Variants in NUBPL observed in about 807,000 individuals in gnomAD.
The protein encoded by NUBPL is NUBP iron-sulfur cluster assembly factor, mitochondrial.
NUBPL carries 31 observed loss-of-function variants against 45.7 expected under a neutral mutation model. The observed-to-expected ratio is 0.68, with a 90% CI of 0.51 to 0.92. The LOEUF (loss-of-function observed/expected upper bound fraction) is 0.92, where lower values mean the gene tolerates loss of function less well. Among genes scored for constraint, NUBPL ranks in the 40% least tolerant of loss-of-function variants. The probability of loss-of-function intolerance (pLI) is 0.00; values close to 1 mark genes in which losing one functional copy is unlikely to be tolerated. For missense variants in NUBPL, 401 were observed against 398.7 expected, an observed-to-expected ratio of 1.01 and a Z score of -0.05; for synonymous variants, 144 against 140.9, an observed-to-expected ratio of 1.02 and a Z score of -0.15.
chr14:31,570,980 A>G (rs1329162952), intron 3 of NUBPL, among the ~76,000 whole-genome samples: 1 of 152,174 alleles, frequency 6.6e-6, no homozygotes, highest in East Asian at 1.9e-4. Flanking sequence ...GCTTTTGCTG[A>G]TATTCAATAT....
intron 7 of NUBPL, among the ~76,000 whole-genome samples, chr14:31,804,937 A>T (rs1468020834): frequency 6.6e-6 from 1 of 152,226 alleles, no homozygotes; most frequent in African/African-American, 2.4e-5. Flanking sequence ...GGCAAAAGGG[A>T]TCTAATTAAA....
At chr14:31,581,376 A>T (rs2033859656) in intron 3 of NUBPL, among the ~76,000 whole-genome samples, 1 of 152,156 alleles carries the variant, frequency 6.6e-6, no homozygotes, top group Non-Finnish European at 1.5e-5. Flanking sequence ...TATTCATTAA[A>T]TAATAATTCC....
At chr14:31,623,604 T>C (rs2035126592) in intron 4 of NUBPL, among the ~76,000 whole-genome samples, 1 of 152,220 alleles carries the variant, frequency 6.6e-6, no homozygotes, top group African/African-American at 2.4e-5. Flanking sequence ...TTTGCTGCCA[T>C]GTAGGACGTG....
At chr14:31,570,518 T>G (rs1274162198) in intron 3 of NUBPL, among the ~76,000 whole-genome samples, 2 of 152,320 alleles carry the variant, frequency 1.3e-5, no homozygotes, top group East Asian at 3.9e-4. Flanking sequence ...ATGAACATAA[T>G]TATATTTGAT....
chr14:31,613,843 A>G (rs977617452), intron 4 of NUBPL, among the ~76,000 whole-genome samples: 2 of 152,212 alleles, frequency 1.3e-5, no homozygotes, highest in Non-Finnish European at 2.9e-5. Context: ...TTGTATGCCT[A>G]TATCAAAACG....
chr14:31,627,171 G>A (rs183740456), intron 4 of NUBPL, among the ~76,000 whole-genome samples: 2 of 152,048 alleles, frequency 1.3e-5, no homozygotes, highest in African/African-American at 2.4e-5. Flanking sequence ...CTGAAATGTG[G>A]GAGGAAAAAA....
intron 4 of NUBPL, among the ~76,000 whole-genome samples, chr14:31,668,297 G>A (rs528567670): frequency 1.4e-4 from 21 of 152,210 alleles, no homozygotes; most frequent in African/African-American, 4.8e-4. Flanking sequence ...GCCCATAGCT[G>A]CTTTGCTGCA....
At chr14:31,574,195 A>G (rs904685368) in intron 3 of NUBPL, among the ~76,000 whole-genome samples, 6 of 152,202 alleles carry the variant, frequency 3.9e-5, no homozygotes, top group Admixed American at 1.3e-4. Flanking sequence ...AATTTTTAGT[A>G]TTGCTAGCTA....
At chr14:31,621,240 G>C (rs996261442) in intron 4 of NUBPL, among the ~76,000 whole-genome samples, 4 of 152,188 alleles carry the variant, frequency 2.6e-5, no homozygotes, top group Non-Finnish European at 4.4e-5. Flanking sequence ...GACTTGCCGA[G>C]CCAGACCACT....
intron 6 of NUBPL, among the ~76,000 whole-genome samples, chr14:31,711,178 C>T (rs1287452042): frequency 6.6e-6 from 1 of 152,098 alleles, no homozygotes; most frequent in African/African-American, 2.4e-5. Flanking sequence ...TTGTTCGGAC[C>T]CCGGAGCTGA....
intron 8 of NUBPL, among the ~76,000 whole-genome samples, chr14:31,830,365 G>A (rs1289544732): frequency 5.3e-5 from 8 of 152,042 alleles, no homozygotes; most frequent in Non-Finnish European, 1.0e-4. Context: ...ACTCTATTTT[G>A]ATGCAAAGGC....
chr14:31,706,421 G>A (rs1436247901), intron 6 of NUBPL, among the ~76,000 whole-genome samples: 2 of 152,166 alleles, frequency 1.3e-5, no homozygotes, highest in Non-Finnish European at 2.9e-5. Context: ...TGACAAGAAG[G>A]TTAAAAATAC....
At chr14:31,587,875 A>G (rs1387957772) in intron 3 of NUBPL, among the ~76,000 whole-genome samples, 1 of 152,194 alleles carries the variant, frequency 6.6e-6, no homozygotes, top group Non-Finnish European at 1.5e-5. Flanking sequence ...TCATTTTGTT[A>G]TTCTTAAAGA....
At chr14:31,658,783 A>G (rs2036202188) in intron 4 of NUBPL, among the ~76,000 whole-genome samples, 1 of 152,172 alleles carries the variant, frequency 6.6e-6, no homozygotes, top group African/African-American at 2.4e-5. Context: ...AAGTGCTGGG[A>G]TTACAGGTGT....
intron 4 of NUBPL, among the ~76,000 whole-genome samples, chr14:31,656,253 T>C (rs542633827): frequency 6.6e-6 from 1 of 152,344 alleles, no homozygotes; most frequent in African/African-American, 2.4e-5. Context: ...TGATCTTCTA[T>C]CCAGACCAAT....
chr14:31,834,573 A>G (rs746294981), intron 8 of NUBPL, among the ~76,000 whole-genome samples: 18 of 152,182 alleles, frequency 1.2e-4, no homozygotes, highest in Non-Finnish European at 2.5e-4. Flanking sequence ...ATGAGACTGG[A>G]TAGCATTCTG....
At chr14:31,854,738 C>T (rs1178402178) in intron 10 of NUBPL, among the ~76,000 whole-genome samples, 2 of 152,202 alleles carry the variant, frequency 1.3e-5, no homozygotes, top group African/African-American at 2.4e-5. Flanking sequence ...CCATGGCTGT[C>T]TGACTTCAAG....
At chr14:31,772,049 T>C (rs1424499681) in intron 6 of NUBPL, 1 of 168,406 alleles carries the variant, frequency 5.9e-6, no homozygotes, top group Non-Finnish European at 1.2e-5. Flanking sequence ...ACAGCTATAC[T>C]CCTGTCCCTT....
chr14:31,762,186 G>A (rs2115955), intron 6 of NUBPL, among the ~76,000 whole-genome samples: 151,665 of 152,344 alleles, frequency 1, 75,498 homozygotes, highest in Middle Eastern at 1. Flanking sequence ...TTCTAACTAT[G>A]TTGTAACTTG....
Sources: allele counts gnomAD v4.1 joint callset (sites outside exome capture counted in the v4.1 genomes callset), GRCh38; gene constraint gnomAD v4.1.1; transcripts MANE v1.5; gene names NCBI Gene and HGNC (gene_info 2026-07-23, HGNC 2026-07-21).